Variants in ADRA1A observed in about 807,000 individuals in gnomAD.
ADRA1A encodes the protein alpha-1A adrenergic receptor.
In ADRA1A, 31 loss-of-function variants were observed where a neutral mutation model predicts 29.6. That is an observed-to-expected ratio of 1.05 (90% CI 0.79 to 1.41). The LOEUF is 1.41. ADRA1A is among the 40% of genes most tolerant of loss of function. The probability of loss-of-function intolerance (pLI) is 0.00; values close to 1 mark genes in which losing one functional copy is unlikely to be tolerated. For synonymous variants in ADRA1A, 311 were observed against 254.3 expected (o/e 1.22, Z -2.12); for missense variants, 619 against 601.1 (o/e 1.03, Z -0.31).
intron 2 of ADRA1A, among the ~76,000 whole-genome samples, chr8:26,847,857 A>G (rs962902775): frequency 1.3e-5 from 2 of 152,230 alleles, no homozygotes; most frequent in Non-Finnish European, 2.9e-5. Context: ...AGCCGCTGCC[A>G]GCAGGAAGGG....
At chr8:26,776,772 G>C (rs987067245) in intron 2 of ADRA1A, among the ~76,000 whole-genome samples, 1 of 152,228 alleles carries the variant, frequency 6.6e-6, no homozygotes, top group Non-Finnish European at 1.5e-5. Context: ...GGGTTTGTCA[G>C]CAGGGCCTTA....
chr8:26,832,474 A>G (rs1811052703), intron 2 of ADRA1A, among the ~76,000 whole-genome samples: 1 of 152,302 alleles, frequency 6.6e-6, no homozygotes, highest in African/African-American at 2.4e-5. Context: ...GACTACAGAC[A>G]CCGTTCAGAG....
In ADRA1A at chr8:26,787,138, T is replaced by G. The variant is rs890584462; in HGVS notation, c.884-16472A>C. On this transcript the variant is annotated intron_variant, in intron 2 of 2. Transcript: ENST00000380573. The surrounding 1 kb of genome is among the most constrained non-coding windows in gnomAD (Gnocchi z 4.2). ...AATTCAGGCTTCATGCCCAAACTCA[T>G]GTTTTAAATTTCTAGATGATGCTAT... 6.6e-6 allele frequency among the ~76,000 whole-genome samples: 1 copy of G among 152,160 alleles called. No homozygotes were observed.
intron 2 of ADRA1A, among the ~76,000 whole-genome samples, chr8:26,804,324 G>A (rs953102062): frequency 1.3e-5 from 2 of 152,044 alleles, no homozygotes; most frequent in African/African-American, 2.4e-5. Context: ...AGTGTTCAAA[G>A]AGGCTTTATT....
chr8:26,856,957 C>A (rs1038949947), intron 2 of ADRA1A, among the ~76,000 whole-genome samples: 2 of 152,164 alleles, frequency 1.3e-5, no homozygotes, highest in Admixed American at 6.5e-5. Flanking sequence ...CTTGTGAGGT[C>A]GGTGATCTGC....
At chr8:26,779,573 G>A (rs1352517898) in intron 2 of ADRA1A, 2 of 567,660 alleles carry the variant, frequency 3.5e-6, no homozygotes, top group Admixed American at 6.4e-5. Flanking sequence ...GTGGAGAGAT[G>A]GCCAGAAGGG....
intron 2 of ADRA1A, among the ~76,000 whole-genome samples, chr8:26,852,457 C>T (rs13266682): frequency 0.037 from 5,536 of 151,574 alleles, 162 homozygotes; most frequent in Non-Finnish European, 0.055. Context: ...TTGAAAAAAA[C>T]TAATAAAATA....
chr8:26,813,489 T>TATCCCTCC (rs1554502353), intron 2 of ADRA1A, among the ~76,000 whole-genome samples: 3 of 149,816 alleles, frequency 2.0e-5, no homozygotes, highest in African/African-American at 7.5e-5. Context: ...CTCTTGCATC[T>TATCCCTCC]ATCCATCCAT....
At chr8:26,780,330 T>G (rs901838056) in intron 2 of ADRA1A, among the ~76,000 whole-genome samples, 3 of 152,180 alleles carry the variant, frequency 2.0e-5, no homozygotes, top group Non-Finnish European at 4.4e-5. Context: ...AAAGGAATTA[T>G]GAGTTTCCAA....
chr8:26,758,235 T>G (rs1241587429), intron 2 of ADRA1A, among the ~76,000 whole-genome samples: 1 of 152,230 alleles, frequency 6.6e-6, no homozygotes, highest in Non-Finnish European at 1.5e-5. Flanking sequence ...GTTTGTGACC[T>G]GCTTTCTAAT....
intron 2 of ADRA1A, among the ~76,000 whole-genome samples, chr8:26,783,881 G>T (rs903664235): frequency 5.3e-5 from 8 of 152,144 alleles, no homozygotes; most frequent in African/African-American, 1.9e-4. Context: ...CCTTTGCAGG[G>T]ACATGGTTGG....
chr8:26,749,564 C>G (rs754166856), intron 2 of ADRA1A, among the ~76,000 whole-genome samples: 1 of 152,076 alleles, frequency 6.6e-6, no homozygotes, highest in Non-Finnish European at 1.5e-5. Context: ...GGGTGGTTAC[C>G]TTTAGGGATT....
At chr8:26,828,727 AGG>A (rs1489473733) in intron 2 of ADRA1A, among the ~76,000 whole-genome samples, 1 of 152,130 alleles carries the variant, frequency 6.6e-6, no homozygotes, top group Non-Finnish European at 1.5e-5. Flanking sequence ...ATGAAGTCAC[AGG>A]GTGAATATTT....
downstream of ADRA1A, among the ~76,000 whole-genome samples, chr8:26,753,716 T>C (rs573313978): frequency 6.6e-6 from 1 of 152,314 alleles, no homozygotes; most frequent in Non-Finnish European, 1.5e-5. Flanking sequence ...ACAATCTACC[T>C]CATTTAGCCC....
chr8:26,757,802 G>A (rs528681545), intron 2 of ADRA1A, among the ~76,000 whole-genome samples: 39 of 152,182 alleles, frequency 2.6e-4, no homozygotes, highest in Non-Finnish European at 2.2e-4. Flanking sequence ...ATGCTGTACT[G>A]TCTTCCAGTG....
intron 2 of ADRA1A, among the ~76,000 whole-genome samples, chr8:26,792,656 A>G (rs1807916063): frequency 6.8e-6 from 1 of 148,124 alleles, no homozygotes; most frequent in South Asian, 2.1e-4. Context: ...GTAAATGTTT[A>G]CTTTGTAAGC....
In ADRA1A at chr8:26,866,156, G is replaced by A. The variant is rs891037454; in HGVS notation, c.-686-501C>T. On this transcript the variant is annotated intron_variant, in intron 1 of 2. Transcript: ENST00000380573. The surrounding 1 kb of genome is among the most constrained non-coding windows in gnomAD (Gnocchi z 5.7). ...CCAGGGACCTCAGGGCCAGGACCACGAGCACGCTCACTCTCACGCCGGTGG... is the reference window on the plus strand; with the variant it reads ...CCAGGGACCTCAGGGCCAGGACCACAAGCACGCTCACTCTCACGCCGGTGG... Among the ~76,000 whole-genome samples the A allele has an allele frequency of 3.3e-5, 5 of 152,106 alleles. No individual in the cohort carries two copies. The highest frequency in any genetic ancestry group is 5.9e-5 in the Non-Finnish European group (4 of 68,028).
intron 2 of ADRA1A, among the ~76,000 whole-genome samples, chr8:26,790,361 A>G (rs1807726114): frequency 6.6e-6 from 1 of 152,214 alleles, no homozygotes; most frequent in South Asian, 2.1e-4. Flanking sequence ...AGGAACAGAA[A>G]GATAAATACC....
chr8:26,769,201 A>G lies in ADRA1A; in HGVS notation c.*948T>C. 1.0e-6 allele frequency: 1 copy of G among 985,420 alleles called. No homozygotes were observed. Among genetic ancestry groups the G allele is most frequent in the Non-Finnish European group, 1.2e-6 (1 of 829,912 alleles). The allele number at this position is 985,420 out of a possible 1,614,324, so 61.0% of individuals were successfully genotyped here. The stretch of plus-strand genomic sequence containing the variant: ...TCATAACAGAGTTCTGGAACAGGTA[A>G]GTGATTTGTCAAGAAAGGCTTTTGT... On this transcript the variant is annotated 3_prime_UTR_variant, in exon 3 of 3. Transcript: ENST00000380573.
Sources: allele counts gnomAD v4.1 joint callset (sites outside exome capture counted in the v4.1 genomes callset), GRCh38; gene constraint gnomAD v4.1.1; non-coding constraint Gnocchi (gnomAD v3.1); transcripts MANE v1.5; gene names NCBI Gene and HGNC (gene_info 2026-07-23, HGNC 2026-07-21).